The following HS2ST1 variants were observed in gnomAD, a reference collection of about 807,000 sequenced individuals.
The protein encoded by HS2ST1 is heparan sulfate 2-O-sulfotransferase 1.
Under a neutral mutation model 42.9 loss-of-function variants are expected in HS2ST1, and 18 were observed. That is an observed-to-expected ratio of 0.42 (90% CI 0.29 to 0.62). The LOEUF is 0.62. Ranked by LOEUF, HS2ST1 falls within the 20% of genes least tolerant of loss-of-function variation. HS2ST1 has a pLI of 0.21. For missense variants in HS2ST1, 334 were observed against 433.8 expected (o/e 0.77, Z 2.04); for synonymous variants, 146 against 152.9 (o/e 0.95, Z 0.33).
intron 1 of HS2ST1, among the ~76,000 whole-genome samples, chr1:87,071,138 C>T (rs1651393914): frequency 6.6e-6 from 1 of 152,126 alleles, no homozygotes; most frequent in African/African-American, 2.4e-5. Flanking sequence ...TTTGGAAGGC[C>T]CACTGCTAGT....
intron 1 of HS2ST1, among the ~76,000 whole-genome samples, chr1:87,016,740 C>T (rs1006052216): frequency 6.6e-6 from 1 of 152,112 alleles, no homozygotes; most frequent in Non-Finnish European, 1.5e-5. Context: ...CCCATTCACC[C>T]GTGCCCCCAT....
rs537291621 is a variant in HS2ST1, at chr1:86,946,007, CTCTT to C, written c.124+30851_124+30854del. The stretch of plus-strand genomic sequence containing the variant: ...TGTATGTTCAAAGAGGTTTTCATCG[CTCTT>C]TCTAAGTCTTAAGTATTTGACAGTT... On this transcript the variant is annotated intron_variant, in intron 1 of 6. Transcript: ENST00000370550. Among the ~76,000 whole-genome samples the C allele has an allele frequency of 1.6e-3, 239 of 152,320 alleles. 1 individual carries two copies. Among genetic ancestry groups the C allele is most frequent in the African/African-American group, 5.4e-3 (224 of 41,570 alleles).
intron 1 of HS2ST1, among the ~76,000 whole-genome samples, chr1:86,924,026 T>A (rs1660360085): frequency 1.3e-5 from 2 of 152,202 alleles, no homozygotes; most frequent in African/African-American, 2.4e-5. Context: ...TATGAGCCTG[T>A]AAAATCAAAA....
At chr1:86,925,023 C>G (rs1660385548) in intron 1 of HS2ST1, among the ~76,000 whole-genome samples, 1 of 152,094 alleles carries the variant, frequency 6.6e-6, no homozygotes, top group Admixed American at 6.5e-5. Context: ...TTAATGGCAC[C>G]CAAGTCATCT....
intron 1 of HS2ST1, among the ~76,000 whole-genome samples, chr1:86,939,497 C>T (rs572183518): frequency 8.0e-4 from 122 of 152,286 alleles, no homozygotes; most frequent in African/African-American, 2.7e-3. Context: ...TATGTTTTCA[C>T]CTTGTGGAAT....
intron 1 of HS2ST1, among the ~76,000 whole-genome samples, chr1:86,967,629 C>T (rs544768745): frequency 1.3e-5 from 2 of 152,166 alleles, no homozygotes; most frequent in African/African-American, 4.8e-5. Flanking sequence ...AGACATTATT[C>T]TGTTCCATTT....
chr1:86,947,753 T>G (rs973636460), intron 1 of HS2ST1, among the ~76,000 whole-genome samples: 13 of 152,200 alleles, frequency 8.5e-5, no homozygotes, highest in African/African-American at 3.1e-4. Flanking sequence ...TGTGTTTATA[T>G]TTATTTAATC....
chr1:86,937,159 A>G (rs1043490196), intron 1 of HS2ST1, among the ~76,000 whole-genome samples: 2 of 152,104 alleles, frequency 1.3e-5, no homozygotes, highest in African/African-American at 4.8e-5. Context: ...AATTCAGGTT[A>G]AACACTATTT....
intron 1 of HS2ST1, among the ~76,000 whole-genome samples, chr1:86,946,767 G>C (rs1647354092): frequency 6.6e-6 from 1 of 152,168 alleles, no homozygotes. Flanking sequence ...ACATAGCATT[G>C]CAGATGTGTA....
intron 1 of HS2ST1, among the ~76,000 whole-genome samples, chr1:87,021,506 G>C (rs555717088): frequency 6.6e-6 from 1 of 152,036 alleles, no homozygotes; most frequent in African/African-American, 2.4e-5. Flanking sequence ...AATATTATTG[G>C]TGGTGGTGGT....
At chr1:86,968,885 C>G (rs1047415630) in intron 1 of HS2ST1, among the ~76,000 whole-genome samples, 1 of 152,028 alleles carries the variant, frequency 6.6e-6, no homozygotes, top group Non-Finnish European at 1.5e-5. Flanking sequence ...ATTTTATTCT[C>G]TCATATTTGT....
chr1:87,073,404 A>C (rs190570471), intron 2 of HS2ST1, among the ~76,000 whole-genome samples: 2 of 152,336 alleles, frequency 1.3e-5, no homozygotes, highest in Admixed American at 1.3e-4. Context: ...GAATTAATGA[A>C]TAGCTTGAAT....
In HS2ST1 at chr1:86,950,405, A is replaced by C. The variant is rs536648006; in HGVS notation, c.124+35245A>C. On this transcript the variant is annotated intron_variant, in intron 1 of 6. Coordinates refer to ENST00000370550, the MANE Select transcript of HS2ST1 (RefSeq NM_012262.4). ...GTAGATAGACAGACAGACAGACAGA[A>C]AGTTAAAGGCGAGACATGGAAATTA... Among the ~76,000 whole-genome samples, 4 of 151,466 alleles carry C rather than the reference A, an allele frequency of 2.6e-5. No homozygotes were observed. The East Asian group carries it at 7.7e-4, about 29-fold the overall frequency.
chr1:86,978,093 G>C (rs1648473716), intron 1 of HS2ST1, among the ~76,000 whole-genome samples: 1 of 152,120 alleles, frequency 6.6e-6, no homozygotes, highest in African/African-American at 2.4e-5. Context: ...CCTAAATTTA[G>C]TACAGTAACA....
chr1:86,941,491 G>A (rs1390893602), intron 1 of HS2ST1, among the ~76,000 whole-genome samples: 1 of 151,972 alleles, frequency 6.6e-6, no homozygotes, highest in Non-Finnish European at 1.5e-5. Flanking sequence ...AAAAATTACA[G>A]CCGGGCACCG....
Position 86,918,966 on chromosome 1 carries a change from TTTTA to T in HS2ST1, c.124+3830_124+3833del, listed in dbSNP as rs1203454558. On this transcript the variant is annotated intron_variant, in intron 1 of 6. Transcript: ENST00000370550. ...TATGTCTTTTTTAAATTTTTTTTAT[TTTTA>T]TTTATTTATTTATTTATTTATTTTT... 1.5e-4 allele frequency among the ~76,000 whole-genome samples: 23 copies of T among 150,918 alleles called. No individual in the cohort carries two copies. In the East Asian group the frequency reaches 3.1e-3, roughly 20 times the overall value.
intron 2 of HS2ST1, among the ~76,000 whole-genome samples, chr1:87,075,050 C>T (rs1166214831): frequency 1.3e-5 from 2 of 151,480 alleles, no homozygotes; most frequent in Admixed American, 1.3e-4. Context: ...AAAAATTGCA[C>T]TGTATTTCTT....
At chr1:87,024,061 T>C (rs1448365206) in intron 1 of HS2ST1, among the ~76,000 whole-genome samples, 2 of 152,168 alleles carry the variant, frequency 1.3e-5, no homozygotes. Flanking sequence ...AGATTTCAGC[T>C]TAATATAAGA....
rs748004256 is a variant in HS2ST1, at chr1:86,915,111, C to G, written c.75C>G (p.Leu25=). The G allele has an allele frequency of 3.7e-6, 6 of 1,614,138 alleles. No individual in the cohort carries two copies. The East Asian group carries it at 6.7e-5, about 18-fold the overall frequency. Residue 25 remains leucine (L), a synonymous_variant, in exon 1 of 7, where the codon CTC becomes CTG. Transcript: ENST00000370550. ...TGGTGGCCTTCGCGGTGGCGATGCT[C>G]TTCTTGGAAAACCAGATCCAGAAAC... ...LAVVAFAVAM[L]FLENQIQKLE...
Sources: gnomAD v4.1 joint callset for allele counts (sites outside exome capture counted in the v4.1 genomes callset) on GRCh38, gnomAD v4.1.1 for gene constraint, MANE v1.5 for transcripts, NCBI Gene and HGNC (gene_info 2026-07-23, HGNC 2026-07-21) for gene names.